CERS6: variants seen among roughly 807,000 people sequenced by gnomAD.
CERS6 encodes the protein LAG1 homolog, ceramide synthase 6.
In CERS6, 26 loss-of-function variants were observed where a neutral mutation model predicts 56.8. The observed-to-expected ratio is 0.46, with a 90% CI of 0.34 to 0.63. The LOEUF (loss-of-function observed/expected upper bound fraction) is 0.63, where lower values mean the gene tolerates loss of function less well. CERS6 is among the 30% of genes least tolerant of loss of function. The pLI is 0.01. For missense variants in CERS6, 415 were observed against 467.5 expected (o/e 0.89, Z 1.04); for synonymous variants, 164 against 173.3 (o/e 0.95, Z 0.42).
intron 1 of CERS6, among the ~76,000 whole-genome samples, chr2:168,491,786 C>T (rs527901181): frequency 8.6e-5 from 13 of 151,324 alleles, no homozygotes; most frequent in Non-Finnish European, 1.3e-4. Flanking sequence ...CCCTCACCCC[C>T]CAACAGGCCC....
At chr2:168,529,653 A>G (rs1695131249) in intron 1 of CERS6, among the ~76,000 whole-genome samples, 1 of 152,224 alleles carries the variant, frequency 6.6e-6, no homozygotes, top group Non-Finnish European at 1.5e-5. Flanking sequence ...GCAGAATGAC[A>G]GGAATCTGTA....
chr2:168,570,369 C>T (rs926910775), intron 3 of CERS6, among the ~76,000 whole-genome samples: 4 of 152,152 alleles, frequency 2.6e-5, no homozygotes, highest in African/African-American at 4.8e-5. Flanking sequence ...CACTGTGCCT[C>T]CAGAAGCCAG....
At chr2:168,596,828 G>A (rs542179060) in intron 3 of CERS6, among the ~76,000 whole-genome samples, 5 of 152,168 alleles carry the variant, frequency 3.3e-5, no homozygotes, top group Admixed American at 1.3e-4. Flanking sequence ...CACCATGCCC[G>A]GCTCCCATCC....
At chr2:168,521,020 T>C (rs2105356341) in intron 1 of CERS6, among the ~76,000 whole-genome samples, 1 of 152,350 alleles carries the variant, frequency 6.6e-6, no homozygotes, top group East Asian at 1.9e-4. Context: ...AGCATGAAAA[T>C]GCTGTATTCT....
intron 6 of CERS6, among the ~76,000 whole-genome samples, chr2:168,703,560 A>C (rs1170814304): frequency 6.6e-6 from 1 of 152,150 alleles, no homozygotes; most frequent in Non-Finnish European, 1.5e-5. Flanking sequence ...TCCATCTCAA[A>C]AAACAAACAA....
At chr2:168,766,526 GC>G (rs1684735794) in intron 9 of CERS6, among the ~76,000 whole-genome samples, 1 of 152,182 alleles carries the variant, frequency 6.6e-6, no homozygotes, top group Non-Finnish European at 1.5e-5. Context: ...CTCTGTTAGG[GC>G]CCTTTGGTGT....
At chr2:168,715,478 T>C (rs796075980) in intron 7 of CERS6, among the ~76,000 whole-genome samples, 5 of 152,314 alleles carry the variant, frequency 3.3e-5, no homozygotes, top group African/African-American at 9.6e-5. Context: ...AAACGCAGTT[T>C]AGTTACTAAT....
intron 6 of CERS6, among the ~76,000 whole-genome samples, chr2:168,697,707 C>T (rs994593374): frequency 1.3e-5 from 2 of 152,146 alleles, no homozygotes; most frequent in African/African-American, 4.8e-5. Context: ...TAATCCTTGC[C>T]TTGCCATGCT....
chr2:168,656,848 G>A (rs1006498470), intron 4 of CERS6, among the ~76,000 whole-genome samples: 12 of 152,134 alleles, frequency 7.9e-5, no homozygotes, highest in East Asian at 3.8e-4. Context: ...TTGTCAGGGC[G>A]CTGATTGGTG....
intron 1 of CERS6, among the ~76,000 whole-genome samples, chr2:168,544,587 C>T (rs922362395): frequency 6.6e-6 from 1 of 152,054 alleles, no homozygotes; most frequent in Non-Finnish European, 1.5e-5. Context: ...GATAGGGGAG[C>T]TGGAAAGGTT....
At chr2:168,672,268 C>A (rs10514622) in intron 4 of CERS6, among the ~76,000 whole-genome samples, 63,491 of 152,070 alleles carry the variant, frequency 0.42, 14,291 homozygotes, top group Non-Finnish European at 0.51. Flanking sequence ...GTTTCTAGTA[C>A]AGTAATAATC....
intron 3 of CERS6, among the ~76,000 whole-genome samples, chr2:168,596,129 A>G (rs1559013410): frequency 1.3e-5 from 2 of 152,100 alleles, no homozygotes; most frequent in Non-Finnish European, 1.5e-5. Flanking sequence ...TAAACTGCCA[A>G]AATTCAATAT....
chr2:168,554,810 A>C (rs1695646058), intron 2 of CERS6, among the ~76,000 whole-genome samples: 1 of 152,220 alleles, frequency 6.6e-6, no homozygotes, highest in South Asian at 2.1e-4. Context: ...ATAAATAACA[A>C]AGTAGGATTT....
At chr2:168,695,925 C>G (rs1311618321) in intron 6 of CERS6, among the ~76,000 whole-genome samples, 1 of 152,126 alleles carries the variant, frequency 6.6e-6, no homozygotes, top group East Asian at 1.9e-4. Context: ...CCAAAATGCT[C>G]TGAAATTTGA....
rs146673679 is a variant in CERS6, at chr2:168,754,238, C to T, written c.846-11354C>T. Among the ~76,000 whole-genome samples the T allele has an allele frequency of 5.5e-3, 833 of 152,264 alleles. 2 individuals are homozygous for T. The highest frequency in any genetic ancestry group is 0.017 in the Middle Eastern group (5 of 294). ...TCTGTTTCTTGGGAACAGCAGCATA[C>T]TCCTTAGCATAGGACCCACCAGCCA... On this transcript the variant is annotated intron_variant, in intron 8 of 9. Transcript: ENST00000305747.
At chr2:168,706,671 A>G (rs1331930854) in intron 6 of CERS6, among the ~76,000 whole-genome samples, 2 of 152,220 alleles carry the variant, frequency 1.3e-5, no homozygotes, top group Non-Finnish European at 1.5e-5. Flanking sequence ...TGAATGGATT[A>G]CATCCGGACA....
chr2:168,724,921 G>A (rs903767815), intron 8 of CERS6, among the ~76,000 whole-genome samples: 11 of 152,362 alleles, frequency 7.2e-5, no homozygotes, highest in African/African-American at 2.4e-4. Flanking sequence ...TTGGGTGGTC[G>A]ATGGGACTGG....
intron 6 of CERS6, among the ~76,000 whole-genome samples, chr2:168,703,293 A>G (rs1443350844): frequency 6.6e-6 from 1 of 152,186 alleles, no homozygotes; most frequent in East Asian, 1.9e-4. Flanking sequence ...TTTGTGGCTC[A>G]TGCCTGTAAT....
chr2:168,575,490 A>C (rs1371854330), intron 3 of CERS6, among the ~76,000 whole-genome samples: 4 of 152,086 alleles, frequency 2.6e-5, no homozygotes, highest in African/African-American at 9.7e-5. Flanking sequence ...ACTATCAGCA[A>C]ACTGCCCCCA....
Sources: gnomAD v4.1 joint callset for allele counts (sites outside exome capture counted in the v4.1 genomes callset) on GRCh38, gnomAD v4.1.1 for gene constraint, MANE v1.5 for transcripts, NCBI Gene and HGNC (gene_info 2026-07-23, HGNC 2026-07-21) for gene names.